The following DUSP22 variants were observed in gnomAD, a reference collection of about 807,000 sequenced individuals.
DUSP22 encodes the protein dual specificity protein phosphatase 22.
A neutral mutation model predicts 24.5 loss-of-function variants in DUSP22; 24 were observed. The ratio of observed to expected loss-of-function variants is 0.98; its 90% CI spans 0.71 to 1.38. The LOEUF (loss-of-function observed/expected upper bound fraction) is 1.38. Among genes scored for constraint, DUSP22 ranks in the 40% most tolerant of loss-of-function variants. The pLI, the probability that DUSP22 is intolerant of heterozygous loss-of-function variation, is 0.00. For missense variants in DUSP22, 330 were observed against 269.2 expected (o/e 1.23, Z -1.58); for synonymous variants, 160 against 106.4 (o/e 1.50, Z -3.10).
chr6:321,301 C>T (rs929803204), intron 3 of DUSP22, among the ~76,000 whole-genome samples: 1 of 152,300 alleles, frequency 6.6e-6, no homozygotes. Context: ...TTAGCAAAGA[C>T]ATTGTTTGTT....
chr6:302,617 C>T (rs1418644104), intron 1 of DUSP22, among the ~76,000 whole-genome samples: 1 of 152,308 alleles, frequency 6.6e-6, no homozygotes, highest in South Asian at 2.1e-4. Flanking sequence ...GAGTGCCCGG[C>T]ATTGTGCCTG....
In DUSP22 at chr6:295,442, G is replaced by A. The variant is rs567264677; in HGVS notation, c.21+2882G>A. ...CAGCAGATTATACAGAAGATGGAGG[G>A]GAAAAAGGCTTTTATATTCTAGAAA... On this transcript the variant is annotated intron_variant, in intron 1 of 6. Coordinates refer to ENST00000419235, the MANE Select transcript of DUSP22 (RefSeq NM_001286555.3). Among the ~76,000 whole-genome samples, 90 of 152,294 alleles carry A rather than the reference G, an allele frequency of 5.9e-4. No homozygotes were observed. The South Asian group carries it at 0.01, about 17-fold the overall frequency.
intron 2 of DUSP22, 116 bp downstream of exon 2, chr6:304,777 C>A: frequency 2.1e-6 from 3 of 1,405,476 alleles, no homozygotes; most frequent in South Asian, 1.2e-5. Flanking sequence ...TGCTGTGCAG[C>A]CATCACCAAC....
chr6:345,105 T>G (rs1759796425), intron 4 of DUSP22, among the ~76,000 whole-genome samples: 1 of 152,296 alleles, frequency 6.6e-6, no homozygotes, highest in Non-Finnish European at 1.5e-5. Context: ...CTCAGCATTG[T>G]AAATAATGGA....
chr6:325,397 T>G (rs1331633306), intron 3 of DUSP22: 2 of 202,112 alleles, frequency 9.9e-6, no homozygotes, highest in African/African-American at 5.4e-5. Context: ...TGCCCTGGGC[T>G]TCTGCGTCCT....
intron 3 of DUSP22, among the ~76,000 whole-genome samples, chr6:315,795 C>T (rs886436055): frequency 9.8e-5 from 15 of 152,418 alleles, no homozygotes; most frequent in African/African-American, 3.6e-4. Context: ...TCCTATGTTC[C>T]AGGTCTTGGG....
At chr6:330,130 G>T (rs1175244427) in intron 3 of DUSP22, among the ~76,000 whole-genome samples, 1 of 152,306 alleles carries the variant, frequency 6.6e-6, no homozygotes, top group Non-Finnish European at 1.5e-5. Flanking sequence ...TGCTGGAGGA[G>T]GACCCCCCTG....
intron 3 of DUSP22, chr6:325,762 G>T (rs987824434): frequency 6.9e-5 from 17 of 246,222 alleles, no homozygotes; most frequent in South Asian, 2.6e-4. Flanking sequence ...AGAGTCATCT[G>T]CCCTGGGCTT....
At chr6:307,238 TAAAC>T in intron 2 of DUSP22, among the ~76,000 whole-genome samples, 1 of 152,310 alleles carries the variant, frequency 6.6e-6, no homozygotes. Context: ...GAAAGGAACG[TAAAC>T]AGTCACTCCC....
chr6:332,561 A>G (rs1759186417), intron 3 of DUSP22, among the ~76,000 whole-genome samples: 1 of 152,298 alleles, frequency 6.6e-6, no homozygotes, highest in Non-Finnish European at 1.5e-5. Context: ...TAGGAAGCAC[A>G]ATACTGTCCA....
At chr6:311,405 G>A (rs1758082208) in intron 2 of DUSP22, among the ~76,000 whole-genome samples, 1 of 152,308 alleles carries the variant, frequency 6.6e-6, no homozygotes, top group South Asian at 2.1e-4. Flanking sequence ...GCAAGGCCGG[G>A]CGCGGTGGCT....
chr6:305,646 A>C lies in DUSP22; in HGVS notation c.55+985A>C, dbSNP rs907450063. Among the ~76,000 whole-genome samples, 7 of 152,422 alleles carry C rather than the reference A, an allele frequency of 4.6e-5. No individual in the cohort carries two copies. In the East Asian group the frequency reaches 1.2e-3, roughly 25 times the overall value. On this transcript the variant is annotated intron_variant, in intron 2 of 6. Transcript: ENST00000419235. ...GTGGTCACTGGGCTTGTCGGCTTCCAGGGAGGGGCCAAGTCCCCCTGCCAG... is the reference window on the plus strand; with the variant it reads ...GTGGTCACTGGGCTTGTCGGCTTCCCGGGAGGGGCCAAGTCCCCCTGCCAG...
chr6:346,022 C>A, intron 5 of DUSP22, 94 bp downstream of exon 5: 1 of 1,480,314 alleles, frequency 6.8e-7, no homozygotes, highest in Non-Finnish European at 9.4e-7. Flanking sequence ...ATGGTTTCAC[C>A]TCCTAATAGT....
intron 3 of DUSP22, among the ~76,000 whole-genome samples, chr6:318,903 G>A (rs1377518937): frequency 1.3e-5 from 2 of 152,302 alleles, no homozygotes. Context: ...TGTGTTCACA[G>A]GGTTAAGTCC....
chr6:311,674 C>T (rs950688677), intron 2 of DUSP22, among the ~76,000 whole-genome samples: 6 of 117,710 alleles, frequency 5.1e-5, no homozygotes, highest in African/African-American at 9.5e-5. Context: ...AGTGAGACTC[C>T]GTCTCAAAAA....
chr6:304,580 T>C, intron 1 of DUSP22, 48 bp from the exon 2 acceptor site: 1 of 1,613,944 alleles, frequency 6.2e-7, no homozygotes, highest in Non-Finnish European at 8.5e-7. Context: ...TGCAATACCA[T>C]CCACTTAGAG....
intron 4 of DUSP22, among the ~76,000 whole-genome samples, chr6:341,041 G>C: frequency 6.6e-6 from 1 of 152,428 alleles, no homozygotes; most frequent in African/African-American, 2.4e-5. Flanking sequence ...GTGCTGGTCT[G>C]TGACGAGGGA....
intron 1 of DUSP22, among the ~76,000 whole-genome samples, chr6:295,448 A>G (rs542461261): frequency 1.0e-2 from 1,512 of 151,800 alleles, no homozygotes; most frequent in African/African-American, 0.034. Flanking sequence ...GAGGGGAAAA[A>G]GGCTTTTATA....
At chr6:310,120 C>G (rs1273876212) in intron 2 of DUSP22, among the ~76,000 whole-genome samples, 1 of 152,308 alleles carries the variant, frequency 6.6e-6, no homozygotes, top group Non-Finnish European at 1.5e-5. Context: ...ACCACCACGC[C>G]CAGCTAATTT....
Sources: allele counts gnomAD v4.1 joint callset (sites outside exome capture counted in the v4.1 genomes callset), GRCh38; gene constraint gnomAD v4.1.1; transcripts MANE v1.5; gene names NCBI Gene and HGNC (gene_info 2026-07-23, HGNC 2026-07-21).